The following SRRM4 variants were observed in gnomAD, a reference collection of about 807,000 sequenced individuals.
The protein encoded by SRRM4 is serine/arginine repetitive matrix protein 4.
SRRM4 carries 33 observed loss-of-function variants against 68.9 expected under a neutral mutation model. That is an observed-to-expected ratio of 0.48 (90% CI 0.36 to 0.64). The LOEUF (loss-of-function observed/expected upper bound fraction) is 0.64, where lower values mean the gene tolerates loss of function less well. SRRM4 is among the 30% of genes least tolerant of loss of function. SRRM4 has a pLI of 0.00. For missense variants in SRRM4, 817 were observed against 827.1 expected (o/e 0.99, Z 0.15); for synonymous variants, 318 against 318.8 (o/e 1.00, Z 0.03).
intron 1 of SRRM4, among the ~76,000 whole-genome samples, chr12:119,031,631 C>G (rs977411956): frequency 5.3e-5 from 8 of 152,114 alleles, no homozygotes; most frequent in African/African-American, 1.7e-4. Context: ...AGTTAGTCTT[C>G]CCTCTAGGAG....
chr12:119,038,930 G>A (rs1018050012), intron 1 of SRRM4, among the ~76,000 whole-genome samples: 2 of 152,284 alleles, frequency 1.3e-5, no homozygotes, highest in African/African-American at 4.8e-5. Flanking sequence ...GGCCTGAAGA[G>A]GTCCAGCTGA....
In SRRM4 at chr12:119,114,309, C is replaced by A. The variant is rs982234678; in HGVS notation, c.310C>A (p.Pro104Thr). The change falls in exon 3 of 13, where the codon CCT (proline) becomes ACT (threonine). Residue 104 changes from proline (P) to threonine (T), a missense_variant. Pro to Thr is a conservative substitution (Grantham distance 38). Transcript: ENST00000267260. ...ASHDKDLTPPPSSRGKKKKKK... is the reference protein window; with the variant it reads ...ASHDKDLTPPTSSRGKKKKKK... ...TCATGACAAAGACTTGACACCACCA[C>A]CTTCCTCCAGGGGAAAGAAGAAAAA... 6.2e-7 allele frequency: 1 copy of A among 1,612,574 alleles called. No individual in the cohort carries two copies. The highest frequency in any genetic ancestry group is 1.3e-5 in the African/African-American group (1 of 75,004).
intron 1 of SRRM4, among the ~76,000 whole-genome samples, chr12:119,090,023 C>G (rs545206741): frequency 6.6e-6 from 1 of 152,128 alleles, no homozygotes; most frequent in East Asian, 1.9e-4. Flanking sequence ...AGATTCAAAC[C>G]CAGGTCTATT....
Position 119,122,197 on chromosome 12 carries a change from A to G in SRRM4, c.515+77A>G. The G allele has an allele frequency of 3.0e-6, 3 of 987,340 alleles. No individual in the cohort carries two copies. In the South Asian group the frequency reaches 4.2e-5, roughly 14 times the overall value. 61.2% of individuals were successfully genotyped at this position (987,340 alleles called of 1,614,324 possible). A position where few individuals can be genotyped will look rare whatever the true frequency, so the allele number is the denominator to read the frequency against. On this transcript the variant is annotated intron_variant, in intron 6 of 12. Coordinates refer to ENST00000267260, the MANE Select transcript of SRRM4 (RefSeq NM_194286.4). ...CTGGCTTCTTAAAAGCCAGAGTCTT[A>G]GAGTTGCCAAATAAACAGGGAAAGG... is the stretch of plus-strand genomic sequence containing the variant.
In SRRM4 at chr12:119,158,005, T is replaced by G. The variant is rs566164060; in HGVS notation, c.*1207T>G. The G allele has an allele frequency of 6.5e-6, 1 of 152,950 alleles. No homozygotes were observed. Among genetic ancestry groups the G allele is most frequent in the Admixed American group, 6.5e-5 (1 of 15,296 alleles). The allele number at this position is 152,950 out of a possible 1,614,324, so 9.5% of individuals were successfully genotyped here. A position where few individuals can be genotyped will look rare whatever the true frequency, so the allele number is the denominator to read the frequency against. ...TTGGGCTCCTGCTGGCTTCTGAGGT[T>G]TCTTGTCAGCTTGGGAAAGACCCAC... On this transcript the variant is annotated 3_prime_UTR_variant, in exon 13 of 13. Transcript: ENST00000267260.
intron 1 of SRRM4, among the ~76,000 whole-genome samples, chr12:119,086,522 C>T (rs1237306666): frequency 2.0e-5 from 3 of 152,200 alleles, no homozygotes; most frequent in African/African-American, 7.2e-5. Flanking sequence ...TCTACTCAAA[C>T]TATACTCTAG....
At chr12:119,111,221 C>G (rs1954141253) in intron 2 of SRRM4, among the ~76,000 whole-genome samples, 1 of 152,234 alleles carries the variant, frequency 6.6e-6, no homozygotes, top group South Asian at 2.1e-4. Context: ...ACCCCTGCAC[C>G]TGTAACCAGG....
At chr12:118,982,679 G>GT (rs370087102) in intron 1 of SRRM4, among the ~76,000 whole-genome samples, 2,925 of 102,096 alleles carry the variant, frequency 0.029, 63 homozygotes, top group Middle Eastern at 0.042. Flanking sequence ...GTTTTTTTTT[G>GT]TTTTTTTTTT....
chr12:119,156,679 C>T lies in SRRM4; in HGVS notation c.1717C>T (p.Arg573Cys). 6.4e-7 allele frequency: 1 copy of T among 1,556,660 alleles called. No homozygotes were observed. The change falls in exon 13 of 13, where the codon CGC becomes TGC. Residue 573 changes from arginine to cysteine, a missense_variant. Arg to Cys is a radical substitution (Grantham distance 180). Transcript: ENST00000267260. ...CCGCACGAGCAGCAGCTCTAGCTCC[C>T]GCAGCCCTAGTCCGGGCTCCCGCAG... is the stretch of plus-strand genomic sequence containing the variant. ...RTRTSSSSSSRSPSPGSRSRS... is the reference protein window; with the variant it reads ...RTRTSSSSSSCSPSPGSRSRS...
rs946107303 is a variant in SRRM4, at chr12:119,045,646, C to T, written c.132-56590C>T. On this transcript the variant is annotated intron_variant, in intron 1 of 12. Coordinates refer to ENST00000267260, the MANE Select transcript of SRRM4 (RefSeq NM_194286.4). ...CAGGGACCTGTAATTTTCATCAGCA[C>T]CGTGTGACTTTTTATGGAACCGTAA... 1.2e-4 allele frequency among the ~76,000 whole-genome samples: 19 copies of T among 152,204 alleles called. No individual in the cohort carries two copies. In the South Asian group the frequency reaches 2.9e-3, roughly 23 times the overall value.
At chr12:119,038,345 G>A (rs1207073900) in intron 1 of SRRM4, among the ~76,000 whole-genome samples, 12 of 151,798 alleles carry the variant, frequency 7.9e-5, no homozygotes, top group Middle Eastern at 3.2e-3. Context: ...CCGAGTAGCT[G>A]GGACTACAGG....
chr12:119,034,995 G>A (rs189046951), intron 1 of SRRM4, among the ~76,000 whole-genome samples: 1 of 152,168 alleles, frequency 6.6e-6, no homozygotes, highest in Admixed American at 6.5e-5. Flanking sequence ...GAAATTTTCA[G>A]GCTTCTTTAA....
At chr12:119,134,857 A>C (rs565067039) in intron 8 of SRRM4, among the ~76,000 whole-genome samples, 3 of 152,216 alleles carry the variant, frequency 2.0e-5, no homozygotes, top group Non-Finnish European at 4.4e-5. Flanking sequence ...GGCTTTACCA[A>C]TAAAGGATCA....
intron 1 of SRRM4, among the ~76,000 whole-genome samples, chr12:119,019,953 C>CG (rs200882876): frequency 0.016 from 1,221 of 75,484 alleles, 39 homozygotes; most frequent in African/African-American, 0.045. Flanking sequence ...CCCCGCTCCC[C>CG]CCCCCCCCAA....
At chr12:119,124,023 T>C (rs140850434) in intron 6 of SRRM4, among the ~76,000 whole-genome samples, 358 of 152,324 alleles carry the variant, frequency 2.4e-3, no homozygotes, top group Non-Finnish European at 2.9e-3. Context: ...AGGCTGCAAG[T>C]TAAGCAGGTG....
At chr12:119,145,808 CT>C (rs1315977750) in intron 9 of SRRM4, 123 bp downstream of exon 9, 95 of 908,168 alleles carry the variant, frequency 1.0e-4, no homozygotes, top group Non-Finnish European at 1.1e-5. Context: ...AGAGATGAAA[CT>C]CAACTCAGAC....
intron 1 of SRRM4, among the ~76,000 whole-genome samples, chr12:119,100,489 C>CAA (rs550298668): frequency 0.04 from 5,674 of 143,490 alleles, 123 homozygotes; most frequent in African/African-American, 0.053. Context: ...GACTCTGCCT[C>CAA]AAAAAAAAAA....
At chr12:119,051,129 G>C (rs1218470777) in intron 1 of SRRM4, among the ~76,000 whole-genome samples, 1 of 152,164 alleles carries the variant, frequency 6.6e-6, no homozygotes, top group African/African-American at 2.4e-5. Flanking sequence ...TGGAAGCTAG[G>C]GATGCTACTA....
At chr12:119,147,499 T>C (rs1954411414) in intron 9 of SRRM4, among the ~76,000 whole-genome samples, 1 of 152,364 alleles carries the variant, frequency 6.6e-6, no homozygotes, top group Admixed American at 6.5e-5. Flanking sequence ...GTTCATCGAT[T>C]GTAGCAAATG....
Sources: allele counts gnomAD v4.1 joint callset (sites outside exome capture counted in the v4.1 genomes callset), GRCh38; gene constraint gnomAD v4.1.1; transcripts MANE v1.5; gene names NCBI Gene and HGNC (gene_info 2026-07-23, HGNC 2026-07-21).